The following PRKG1 variants were observed in gnomAD, a reference collection of about 807,000 sequenced individuals.
PRKG1 encodes the protein cGMP-dependent protein kinase 1.
A neutral mutation model predicts 88.1 loss-of-function variants in PRKG1; 35 were observed. That is an observed-to-expected ratio of 0.40 (90% CI 0.30 to 0.53). PRKG1 has a LOEUF of 0.53. PRKG1 is among the 20% of genes least tolerant of loss of function. The pLI is 0.59. For missense variants in PRKG1, 540 were observed against 839.8 expected (o/e 0.64, Z 4.41); for synonymous variants, 303 against 292.5 (o/e 1.04, Z -0.37).
chr10:51,034,020 A>G (rs996406560), intron 1 of PRKG1, among the ~76,000 whole-genome samples: 3 of 152,222 alleles, frequency 2.0e-5, no homozygotes. Context: ...AGATGCCTCT[A>G]GATGATTAGA....
intron 3 of PRKG1, chr10:51,696,242 G>C (rs761086149): frequency 6.8e-5 from 10 of 146,072 alleles, no homozygotes; most frequent in Non-Finnish European, 1.2e-4. Flanking sequence ...AAAACTAAAA[G>C]GCATGTTAAA....
At chr10:51,567,355 G>A (rs1318295076) in intron 3 of PRKG1, among the ~76,000 whole-genome samples, 1 of 152,038 alleles carries the variant, frequency 6.6e-6, no homozygotes, top group South Asian at 2.1e-4. Context: ...ACCTTTCCCT[G>A]TCAAAGCCCA....
chr10:51,456,065 A>G (rs567522005), intron 2 of PRKG1, among the ~76,000 whole-genome samples: 5 of 152,350 alleles, frequency 3.3e-5, no homozygotes, highest in South Asian at 4.1e-4. Context: ...ACAGTTCCAC[A>G]TGGCTGGGGA....
chr10:52,077,008 TAAAA>T (rs1846645677), intron 7 of PRKG1, among the ~76,000 whole-genome samples: 1 of 151,224 alleles, frequency 6.6e-6, no homozygotes, highest in Non-Finnish European at 1.5e-5. Context: ...TTTTTTTTTT[TAAAA>T]CTTAAACATA....
intron 1 of PRKG1, among the ~76,000 whole-genome samples, chr10:51,075,835 A>G (rs111676597): frequency 1.1e-3 from 171 of 152,374 alleles, no homozygotes; most frequent in Admixed American, 2.0e-3. Flanking sequence ...CACTCAACTC[A>G]GAGTTCATAT....
At chr10:51,235,539 A>G (rs2132115770) in intron 2 of PRKG1, among the ~76,000 whole-genome samples, 1 of 152,280 alleles carries the variant, frequency 6.6e-6, no homozygotes, top group Non-Finnish European at 1.5e-5. Context: ...CGGGAGATGG[A>G]TTTTATAAAG....
chr10:51,841,504 T>G (rs1271673080), intron 4 of PRKG1, among the ~76,000 whole-genome samples: 3 of 152,176 alleles, frequency 2.0e-5, no homozygotes, highest in Non-Finnish European at 4.4e-5. Flanking sequence ...AAATTTCAGG[T>G]CAGTCTTGAG....
At chr10:51,015,962 A>T (rs1843052913) in intron 1 of PRKG1, among the ~76,000 whole-genome samples, 1 of 152,158 alleles carries the variant, frequency 6.6e-6, no homozygotes, top group Non-Finnish European at 1.5e-5. Flanking sequence ...ACTATGATTG[A>T]AGCATGCTTG....
chr10:51,739,966 G>T (rs142840626), intron 3 of PRKG1, among the ~76,000 whole-genome samples: 1 of 152,260 alleles, frequency 6.6e-6, no homozygotes, highest in Non-Finnish European at 1.5e-5. Flanking sequence ...GTAGTACAGA[G>T]ATTTTCAATA....
chr10:51,872,563 A>T (rs1431716828), intron 4 of PRKG1, among the ~76,000 whole-genome samples: 1 of 152,074 alleles, frequency 6.6e-6, no homozygotes, highest in Non-Finnish European at 1.5e-5. Flanking sequence ...AATTTTTTCA[A>T]TTTTTCTTAA....
Position 51,443,734 on chromosome 10 carries a change from G to A in PRKG1, c.479-23989G>A, listed in dbSNP as rs183063138. Among the ~76,000 whole-genome samples the A allele has an allele frequency of 3.5e-4, 53 of 152,028 alleles. No individual in the cohort carries two copies. The East Asian group carries it at 6.2e-3, about 18-fold the overall frequency. ...CTTGTCAGCAAGTGGACATAATTTG[G>A]GGAACTTTAAGAGCTACAGAAGTCA... On this transcript the variant is annotated intron_variant, in intron 2 of 17. Transcript: ENST00000373980.
At chr10:51,583,780 C>T (rs1187785463) in intron 3 of PRKG1, among the ~76,000 whole-genome samples, 1 of 152,036 alleles carries the variant, frequency 6.6e-6, no homozygotes, top group Non-Finnish European at 1.5e-5. Flanking sequence ...TTAAGGTTTG[C>T]ATATATACTA....
chr10:52,054,353 A>ATG (rs1249286719), intron 5 of PRKG1, 131 bp from the exon 6 acceptor site: 18 of 645,002 alleles, frequency 2.8e-5, no homozygotes, highest in Admixed American at 7.9e-5. Context: ...TTATTAAATC[A>ATG]TGATGGTTCC....
At chr10:51,904,400 T>C (rs1842042621) in intron 4 of PRKG1, among the ~76,000 whole-genome samples, 1 of 152,118 alleles carries the variant, frequency 6.6e-6, no homozygotes, top group Admixed American at 6.6e-5. Context: ...TATTTTGATG[T>C]ATTGGAGGAA....
At chr10:51,513,319 A>G (rs1234528776) in intron 3 of PRKG1, among the ~76,000 whole-genome samples, 1 of 142,960 alleles carries the variant, frequency 7.0e-6, no homozygotes, top group East Asian at 2.1e-4. Context: ...ATATGCACCC[A>G]ATACAGGAGC....
chr10:51,206,655 GC>G (rs1279120896), intron 2 of PRKG1, among the ~76,000 whole-genome samples: 2 of 152,176 alleles, frequency 1.3e-5, no homozygotes, highest in Non-Finnish European at 2.9e-5. Flanking sequence ...TAGCATCTGT[GC>G]CCACTTTTTC....
intron 2 of PRKG1, among the ~76,000 whole-genome samples, chr10:51,423,966 A>C (rs1838496245): frequency 6.6e-6 from 1 of 152,146 alleles, no homozygotes. Flanking sequence ...GTCATGTTTA[A>C]TATTCCTATG....
intron 1 of PRKG1, among the ~76,000 whole-genome samples, chr10:51,014,978 C>T (rs993285668): frequency 6.6e-6 from 1 of 152,158 alleles, no homozygotes; most frequent in Non-Finnish European, 1.5e-5. Flanking sequence ...CTTCTTAGAG[C>T]AGAAGTGTCT....
intron 3 of PRKG1, among the ~76,000 whole-genome samples, chr10:51,730,848 T>G (rs1019438828): frequency 3.3e-5 from 5 of 152,210 alleles, no homozygotes; most frequent in Non-Finnish European, 7.3e-5. Context: ...AGACTATTAA[T>G]GTATTTCAAC....
Sources: allele counts gnomAD v4.1 joint callset (sites outside exome capture counted in the v4.1 genomes callset), GRCh38; gene constraint gnomAD v4.1.1; transcripts MANE v1.5; gene names NCBI Gene and HGNC (gene_info 2026-07-23, HGNC 2026-07-21).